CHST11: variants seen among roughly 807,000 people sequenced by gnomAD.
CHST11 encodes the protein C4S-1.
A neutral mutation model predicts 30.4 loss-of-function variants in CHST11; 9 were observed. That is an observed-to-expected ratio of 0.30 (90% CI 0.18 to 0.52). The LOEUF (loss-of-function observed/expected upper bound fraction) is 0.52, where lower values mean the gene tolerates loss of function less well. Ranked by LOEUF, CHST11 falls within the 20% of genes least tolerant of loss-of-function variation. CHST11 has a pLI of 0.97. For missense variants in CHST11, 348 were observed against 460.6 expected, an observed-to-expected ratio of 0.76 and a Z score of 2.24; for synonymous variants, 152 against 187.8, an observed-to-expected ratio of 0.81 and a Z score of 1.56.
rs1213176015 is a variant in CHST11 at position 104,756,995 on chromosome 12, A to G, written c.251A>G (p.Gln84Arg). 6.2e-7 allele frequency: 1 copy of G among 1,613,020 alleles called. No individual in the cohort carries two copies. ...GTCCTGCACCAGATGCGGCGGGACC[A>G]GGTGACAGACACGTGCCGAGCCAAC... is the stretch of plus-strand genomic sequence containing the variant. ...TAVLHQMRRDQVTDTCRANSA... is the reference protein window; with the variant it reads ...TAVLHQMRRDRVTDTCRANSA... The change falls in exon 3 of 3, where the codon CAG becomes CGG. Residue 84 changes from glutamine to arginine, a missense_variant. Gln to Arg is a conservative substitution (Grantham distance 43). Coordinates refer to ENST00000303694, the MANE Select transcript of CHST11 (RefSeq NM_018413.6).
intron 1 of CHST11, among the ~76,000 whole-genome samples, chr12:104,564,785 A>G (rs960788509): frequency 2.6e-5 from 4 of 152,240 alleles, no homozygotes; most frequent in African/African-American, 9.6e-5. Context: ...ATGAGATTTA[A>G]TGGACTCACA....
chr12:104,641,313 A>T (rs942256545), intron 2 of CHST11, among the ~76,000 whole-genome samples: 1 of 152,300 alleles, frequency 6.6e-6, no homozygotes, highest in East Asian at 1.9e-4. Flanking sequence ...AGCTGTTAAC[A>T]CTTAATCTGT....
At chr12:104,589,210 G>A (rs1262259431) in intron 1 of CHST11, among the ~76,000 whole-genome samples, 3 of 151,924 alleles carry the variant, frequency 2.0e-5, no homozygotes, top group Non-Finnish European at 2.9e-5. Flanking sequence ...GGCAAGCCTG[G>A]GCAACATGGC....
intron 1 of CHST11, among the ~76,000 whole-genome samples, chr12:104,509,106 A>T (rs116773219): frequency 0.024 from 3,687 of 152,266 alleles, 57 homozygotes; most frequent in Middle Eastern, 0.037. Flanking sequence ...GAATTGTGGG[A>T]AGGATCCTGT....
At chr12:104,619,853 G>C (rs2039144187) in intron 2 of CHST11, among the ~76,000 whole-genome samples, 1 of 152,118 alleles carries the variant, frequency 6.6e-6, no homozygotes, top group Admixed American at 6.5e-5. Flanking sequence ...GGAACATTCT[G>C]GTTTCTACTT....
intron 2 of CHST11, among the ~76,000 whole-genome samples, chr12:104,627,114 C>A (rs952406835): frequency 6.6e-6 from 1 of 152,058 alleles, no homozygotes; most frequent in African/African-American, 2.4e-5. Context: ...TTCAGAGTGG[C>A]GTCTTTCACT....
intron 2 of CHST11, among the ~76,000 whole-genome samples, chr12:104,755,296 A>G (rs1167450617): frequency 1.3e-5 from 2 of 152,214 alleles, no homozygotes; most frequent in Non-Finnish European, 2.9e-5. Context: ...AAAGCCACCC[A>G]CAGTCTGGCC....
intron 2 of CHST11, among the ~76,000 whole-genome samples, chr12:104,690,431 C>T (rs530885013): frequency 6.6e-6 from 1 of 152,294 alleles, no homozygotes; most frequent in South Asian, 2.1e-4. Flanking sequence ...GAATAAAAGT[C>T]GATTTCTGAT....
At chr12:104,675,576 G>A (rs541017005) in intron 2 of CHST11, among the ~76,000 whole-genome samples, 19 of 152,312 alleles carry the variant, frequency 1.2e-4, no homozygotes, top group African/African-American at 1.9e-4. Flanking sequence ...GTTATGAGCC[G>A]AGTGCTTACT....
At chr12:104,565,160 G>A (rs183940433) in intron 1 of CHST11, among the ~76,000 whole-genome samples, 228 of 151,990 alleles carry the variant, frequency 1.5e-3, no homozygotes, top group African/African-American at 5.2e-3. Flanking sequence ...CCCTGGTGGC[G>A]AATGGTGGTA....
rs937530523 is a variant in CHST11, at chr12:104,491,271, T to G, written c.118+33742T>G. ...GCCCTATTCACCATACTCATCTCAT[T>G]TGATCTGGAGTTTTCTGAGAGTGAC... On this transcript the variant is annotated intron_variant, in intron 1 of 2. Transcript: ENST00000303694. Among the ~76,000 whole-genome samples the G allele has an allele frequency of 3.3e-5, 5 of 152,114 alleles. No homozygotes were observed. In the East Asian group the frequency reaches 9.6e-4, roughly 29 times the overall value.
chr12:104,635,266 C>T (rs2039312330), intron 2 of CHST11, among the ~76,000 whole-genome samples: 3 of 152,162 alleles, frequency 2.0e-5, no homozygotes, highest in African/African-American at 4.8e-5. Context: ...TGAAAGACAG[C>T]GTGGGAGGGA....
intron 2 of CHST11, among the ~76,000 whole-genome samples, chr12:104,701,789 T>C (rs1288397704): frequency 6.6e-6 from 1 of 152,138 alleles, no homozygotes; most frequent in African/African-American, 2.4e-5. Context: ...GGCCGGTCTG[T>C]GTGTTCAATT....
chr12:104,472,975 C>T (rs774739401), intron 1 of CHST11, among the ~76,000 whole-genome samples: 14 of 151,990 alleles, frequency 9.2e-5, no homozygotes, highest in Non-Finnish European at 1.5e-4. Flanking sequence ...TCTGGGAATA[C>T]GGGAGCCCAG....
chr12:104,544,768 G>GCCC lies in CHST11; in HGVS notation c.119-57138_119-57137insCCC, dbSNP rs1555231405. Among the ~76,000 whole-genome samples, 21 of 51,974 alleles carry GCCC rather than the reference G, an allele frequency of 4.0e-4. 2 individuals carry two copies. In the East Asian group the frequency reaches 0.045, roughly 110 times the overall value. 34.1% of individuals were successfully genotyped at this position (51,974 alleles called of 152,430 possible). A position where few individuals can be genotyped will look rare whatever the true frequency, so the allele number is the denominator to read the frequency against. On this transcript the variant is annotated intron_variant, in intron 1 of 2. Coordinates refer to ENST00000303694, the MANE Select transcript of CHST11 (RefSeq NM_018413.6). ...TCAATGATGTGCCCTGGGGGTCACA[G>GCCC]TCCCCCCACCCCGGAGATAATGGAT...
At chr12:104,567,497 A>C (rs543427220) in intron 1 of CHST11, among the ~76,000 whole-genome samples, 56 of 152,162 alleles carry the variant, frequency 3.7e-4, no homozygotes, top group African/African-American at 1.3e-3. Flanking sequence ...GTCCTTTAAG[A>C]TCCAGCTCCC....
intron 2 of CHST11, among the ~76,000 whole-genome samples, chr12:104,725,873 G>T (rs147199760): frequency 5.9e-5 from 9 of 152,230 alleles, no homozygotes; most frequent in African/African-American, 2.2e-4. Flanking sequence ...ACAAGGTAGG[G>T]CAGTCACCAT....
intron 2 of CHST11, among the ~76,000 whole-genome samples, chr12:104,673,338 T>G (rs1291022832): frequency 6.6e-6 from 1 of 152,206 alleles, no homozygotes; most frequent in Non-Finnish European, 1.5e-5. Flanking sequence ...TGGAATGGTT[T>G]GTTACATGGA....
intron 2 of CHST11, among the ~76,000 whole-genome samples, chr12:104,696,482 C>CAAAAAAAAA (rs10602668): frequency 0.012 from 839 of 68,608 alleles, 1 homozygote; most frequent in Middle Eastern, 0.024. Flanking sequence ...GCTAAAAATA[C>CAAAAAAAAA]AAAAAAAAAA....
Sources: allele counts gnomAD v4.1 joint callset (sites outside exome capture counted in the v4.1 genomes callset), GRCh38; gene constraint gnomAD v4.1.1; transcripts MANE v1.5; gene names NCBI Gene and HGNC (gene_info 2026-07-23, HGNC 2026-07-21).